PTPRG: variants seen among roughly 807,000 people sequenced by gnomAD.
PTPRG encodes the protein protein tyrosine phosphatase receptor type G.
PTPRG carries 102 observed loss-of-function variants against 165.3 expected under a neutral mutation model. The ratio of observed to expected loss-of-function variants is 0.62; its 90% CI spans 0.53 to 0.73. PTPRG has a LOEUF of 0.73. PTPRG is among the 30% of genes least tolerant of loss of function. The probability of loss-of-function intolerance (pLI) is 0.00; values close to 1 mark genes in which losing one functional copy is unlikely to be tolerated. For missense variants in PTPRG, 1,866 were observed against 1,861.4 expected (o/e 1.00, Z -0.05); for synonymous variants, 675 against 669.5 (o/e 1.01, Z -0.13).
chr3:62,022,458 C>T (rs1262811851), intron 4 of PTPRG, among the ~76,000 whole-genome samples: 5 of 152,104 alleles, frequency 3.3e-5, no homozygotes, highest in Non-Finnish European at 2.9e-5. Context: ...TCTCTTGGCT[C>T]AGGAGAGGGT....
At chr3:61,646,140 CTG>C (rs2106966129) in intron 1 of PTPRG, among the ~76,000 whole-genome samples, 1 of 152,248 alleles carries the variant, frequency 6.6e-6, no homozygotes, top group East Asian at 1.9e-4. Flanking sequence ...GGGTCTCACT[CTG>C]TCACCCAGGC....
chr3:61,647,585 T>G (rs1049904398), intron 1 of PTPRG, among the ~76,000 whole-genome samples: 1 of 151,942 alleles, frequency 6.6e-6, no homozygotes, highest in South Asian at 2.1e-4. Flanking sequence ...AGTCAGGAGA[T>G]CGAGACCATC....
intron 1 of PTPRG, among the ~76,000 whole-genome samples, chr3:61,681,567 T>C (rs868515647): frequency 6.6e-6 from 1 of 152,210 alleles, no homozygotes; most frequent in Non-Finnish European, 1.5e-5. Context: ...TTCACCTTGA[T>C]ATATTTCCCA....
intron 4 of PTPRG, among the ~76,000 whole-genome samples, chr3:62,065,804 G>C (rs1372625236): frequency 3.0e-4 from 46 of 152,118 alleles, no homozygotes; most frequent in Admixed American, 2.9e-3. Flanking sequence ...AGGAACAGAA[G>C]AGCTCTTTTA....
chr3:61,932,978 A>T (rs775216182), intron 2 of PTPRG, among the ~76,000 whole-genome samples: 54 of 152,220 alleles, frequency 3.5e-4, no homozygotes, highest in Non-Finnish European at 6.9e-4. Flanking sequence ...TTAGCTAAAA[A>T]GTCCAAAATG....
chr3:61,757,989 T>C (rs1377388676), intron 2 of PTPRG, among the ~76,000 whole-genome samples: 1 of 152,216 alleles, frequency 6.6e-6, no homozygotes, highest in African/African-American at 2.4e-5. Context: ...CTACCAGTTT[T>C]CCTTTCTAAC....
At chr3:61,846,199 A>G (rs2036801327) in intron 2 of PTPRG, among the ~76,000 whole-genome samples, 1 of 152,224 alleles carries the variant, frequency 6.6e-6, no homozygotes, top group African/African-American at 2.4e-5. Context: ...TTTATTATTT[A>G]TACCTGTAAT....
intron 5 of PTPRG, among the ~76,000 whole-genome samples, chr3:62,119,909 C>T (rs908992726): frequency 6.7e-6 from 1 of 150,368 alleles, no homozygotes; most frequent in African/African-American, 2.4e-5. Flanking sequence ...GCTGGAATTA[C>T]AGGCGTGAGC....
intron 1 of PTPRG, among the ~76,000 whole-genome samples, chr3:61,588,190 GTTATGCGTCCT>G (rs1559513659): frequency 2.0e-5 from 3 of 151,906 alleles, no homozygotes. Context: ...TTTTATTACA[GTTATGCGTCCT>G]GTTTCTGAAA....
chr3:61,955,853 GAA>G (rs1553696652), intron 2 of PTPRG, among the ~76,000 whole-genome samples: 1 of 152,000 alleles, frequency 6.6e-6, no homozygotes, highest in African/African-American at 2.4e-5. Flanking sequence ...AATATTATCT[GAA>G]AAGAAATAAA....
At chr3:62,287,543 T>A (rs908585430) in intron 28 of PTPRG, among the ~76,000 whole-genome samples, 10 of 151,594 alleles carry the variant, frequency 6.6e-5, no homozygotes, top group African/African-American at 2.4e-4. Flanking sequence ...ACTAGTGGAG[T>A]GTAGAACTGA....
intron 6 of PTPRG, among the ~76,000 whole-genome samples, chr3:62,151,695 T>C (rs1704342853): frequency 6.6e-6 from 1 of 151,856 alleles, no homozygotes; most frequent in African/African-American, 2.4e-5. Flanking sequence ...AATATTTTTC[T>C]CAACTAGTAA....
At position 61,571,135 on chromosome 3, in the gene PTPRG, C is replaced by T. The variant is rs376398303; in HGVS notation, c.85+8763C>T. 1.2e-4 allele frequency among the ~76,000 whole-genome samples: 18 copies of T among 152,270 alleles called. 1 individual carries two copies. The highest frequency in any genetic ancestry group is 2.4e-4 in the African/African-American group (10 of 41,556). On this transcript the variant is annotated intron_variant, in intron 1 of 29. Transcript: ENST00000474889. ...TACCAAGCACATGTGATCTATGCCC[C>T]GTGCTTGAGCATTTTATATGCTTTT...
At chr3:62,206,328 G>A (rs1411151606) in intron 12 of PTPRG, among the ~76,000 whole-genome samples, 1 of 152,152 alleles carries the variant, frequency 6.6e-6, no homozygotes, top group Non-Finnish European at 1.5e-5. Context: ...AAATCTGAGA[G>A]CATCTACAAT....
At chr3:61,816,518 C>G (rs1007015054) in intron 2 of PTPRG, among the ~76,000 whole-genome samples, 2 of 152,042 alleles carry the variant, frequency 1.3e-5, no homozygotes, top group African/African-American at 4.8e-5. Flanking sequence ...GGTGACACAG[C>G]GAGACTCCCT....
At chr3:62,174,702 A>G (rs1009138257) in intron 8 of PTPRG, among the ~76,000 whole-genome samples, 3 of 152,244 alleles carry the variant, frequency 2.0e-5, no homozygotes, top group African/African-American at 7.2e-5. Context: ...GGGAGAAAAT[A>G]TTAATGTTGT....
chr3:61,827,105 GTTC>G (rs2036136312), intron 2 of PTPRG, among the ~76,000 whole-genome samples: 1 of 152,292 alleles, frequency 6.6e-6, no homozygotes, highest in South Asian at 2.1e-4. Flanking sequence ...GCTTTGCTGT[GTTC>G]TTCTATCCTC....
intron 1 of PTPRG, among the ~76,000 whole-genome samples, chr3:61,746,946 A>T (rs2033229761): frequency 6.6e-6 from 1 of 152,152 alleles, no homozygotes; most frequent in African/African-American, 2.4e-5. Flanking sequence ...TGAGCCCAGG[A>T]GTTTAAGATC....
At chr3:62,139,351 C>T (rs757002559) in intron 6 of PTPRG, among the ~76,000 whole-genome samples, 3 of 151,884 alleles carry the variant, frequency 2.0e-5, no homozygotes, top group Non-Finnish European at 4.4e-5. Flanking sequence ...CTTAGCTACT[C>T]GGGAGGCTGA....
Sources: allele counts gnomAD v4.1 joint callset (sites outside exome capture counted in the v4.1 genomes callset), GRCh38; gene constraint gnomAD v4.1.1; transcripts MANE v1.5; gene names NCBI Gene and HGNC (gene_info 2026-07-23, HGNC 2026-07-21).